Variants in CCDC30 observed in about 807,000 individuals in gnomAD.
The protein encoded by CCDC30 is coiled-coil domain-containing protein 30.
CCDC30 carries 70 observed loss-of-function variants against 100.2 expected under a neutral mutation model. That is an observed-to-expected ratio of 0.70 (90% CI 0.58 to 0.85). CCDC30 has a LOEUF of 0.85. Ranked by LOEUF, CCDC30 falls within the 40% of genes least tolerant of loss-of-function variation. The pLI, the probability that CCDC30 is intolerant of heterozygous loss-of-function variation, is 0.00. For synonymous variants in CCDC30, 233 were observed against 269.5 expected, an observed-to-expected ratio of 0.86 and a Z score of 1.33; for missense variants, 652 against 771.2, an observed-to-expected ratio of 0.85 and a Z score of 1.83.
the CCDC30 span, chr1:42,457,610 G>T: frequency 8.2e-6 from 4 of 485,746 alleles, no homozygotes; most frequent in South Asian, 1.0e-4. Context: ...AGTGAATCCT[G>T]GGGGAGTCGA....
chr1:42,582,315 T>C (rs1298251028), intron 9 of CCDC30, among the ~76,000 whole-genome samples: 1 of 152,210 alleles, frequency 6.6e-6, no homozygotes, highest in Non-Finnish European at 1.5e-5. Context: ...AGTCCATCCC[T>C]AGAGAACTGA....
chr1:42,578,186 A>G (rs554413678), intron 8 of CCDC30, among the ~76,000 whole-genome samples: 1 of 152,356 alleles, frequency 6.6e-6, no homozygotes, highest in South Asian at 2.1e-4. Flanking sequence ...ACCATATAAT[A>G]TGAAGCAAAC....
At chr1:42,524,658 T>C (rs187187582) in intron 6 of CCDC30, among the ~76,000 whole-genome samples, 16 of 152,344 alleles carry the variant, frequency 1.1e-4, no homozygotes, top group Admixed American at 2.0e-4. Context: ...ACACGTTGCA[T>C]GCAAGCTGTT....
chr1:42,557,785 C>T (rs1262614658), intron 6 of CCDC30, among the ~76,000 whole-genome samples: 1 of 145,344 alleles, frequency 6.9e-6, no homozygotes, highest in East Asian at 2.0e-4. Context: ...AGGCTAGTTC[C>T]AATTTGTTTT....
intron 11 of CCDC30, among the ~76,000 whole-genome samples, chr1:42,614,155 A>G (rs1379956243): frequency 1.4e-5 from 2 of 145,602 alleles, no homozygotes; most frequent in Non-Finnish European, 3.0e-5. Context: ...ATCTCGGCTC[A>G]CTGCAAGCTC....
intron 12 of CCDC30, among the ~76,000 whole-genome samples, chr1:42,642,165 G>T (rs1386139395): frequency 6.6e-6 from 1 of 151,996 alleles, no homozygotes; most frequent in Non-Finnish European, 1.5e-5. Flanking sequence ...GGTGGAGCTT[G>T]CAGTGAGCAG....
At chr1:42,497,831 T>A (rs6686662) in intron 5 of CCDC30, among the ~76,000 whole-genome samples, 37,008 of 152,038 alleles carry the variant, frequency 0.24, 4,884 homozygotes, top group South Asian at 0.42. Context: ...GCATTGCTGG[T>A]GAGAATCTAA....
At chr1:42,610,417 TTTTTG>T (rs529622606) in intron 10 of CCDC30, among the ~76,000 whole-genome samples, 5 of 152,078 alleles carry the variant, frequency 3.3e-5, no homozygotes, top group African/African-American at 7.2e-5. Flanking sequence ...ATTTTTTGTT[TTTTTG>T]TTTTGTTTTG....
chr1:42,467,660 C>T (rs1643632542), intron 1 of CCDC30: 1 of 152,204 alleles, frequency 6.6e-6, no homozygotes, highest in African/African-American at 2.4e-5. Context: ...AGCTTATAGC[C>T]TCTTCTCTGG....
intron 6 of CCDC30, among the ~76,000 whole-genome samples, chr1:42,541,889 C>A (rs1645018666): frequency 6.6e-6 from 1 of 152,180 alleles, no homozygotes; most frequent in African/African-American, 2.4e-5. Context: ...TAGACTCATA[C>A]AGAATTTTAG....
At chr1:42,522,472 A>G (rs1359942541) in intron 6 of CCDC30, among the ~76,000 whole-genome samples, 2 of 152,160 alleles carry the variant, frequency 1.3e-5, no homozygotes, top group Non-Finnish European at 2.9e-5. Flanking sequence ...ATAGTAAAAC[A>G]CTTTTCTTTT....
intron 6 of CCDC30, among the ~76,000 whole-genome samples, chr1:42,499,736 A>G (rs1020919110): frequency 4.6e-5 from 7 of 150,776 alleles, no homozygotes; most frequent in Non-Finnish European, 5.9e-5. Context: ...TGCCTCCCAA[A>G]GTGCTGGGAT....
At chr1:42,456,979 T>C in the CCDC30 span, 2 of 1,603,146 alleles carry the variant, frequency 1.2e-6, no homozygotes, top group Non-Finnish European at 8.5e-7. Context: ...ACCAGGAGGC[T>C]GCGGCTGCAG....
At chr1:42,466,520 G>A (rs992476068) in intron 1 of CCDC30, among the ~76,000 whole-genome samples, 2 of 151,602 alleles carry the variant, frequency 1.3e-5, no homozygotes, top group African/African-American at 2.4e-5. Context: ...TATCTACTTT[G>A]GACAGAATAG....
At chr1:42,589,530 G>GCTGTTACTAATGGGAA in intron 10 of CCDC30, 47 bp downstream of exon 14, 2 of 1,518,672 alleles carry the variant, frequency 1.3e-6, no homozygotes, top group Non-Finnish European at 1.8e-6. Flanking sequence ...ATTCCCATTA[G>GCTGTTACTAATGGGAA]TAACAGCTAA....
chr1:42,582,059 C>CA (rs770972866), intron 9 of CCDC30, among the ~76,000 whole-genome samples: 20,713 of 98,928 alleles, frequency 0.21, 1,909 homozygotes, highest in East Asian at 0.23. Flanking sequence ...TTGTCTATAC[C>CA]AAAAAAAAAA....
At chr1:42,497,815 C>G (rs769028276) in intron 5 of CCDC30, among the ~76,000 whole-genome samples, 3 of 152,182 alleles carry the variant, frequency 2.0e-5, no homozygotes, top group Non-Finnish European at 2.9e-5. Flanking sequence ...AAATTGGAAC[C>G]CTTTTGCATT....
At chr1:42,510,061 G>GT (rs1030317074) in intron 6 of CCDC30, 3 of 985,222 alleles carry the variant, frequency 3.0e-6, no homozygotes, top group Non-Finnish European at 3.6e-6. Flanking sequence ...CGGGGTTTGT[G>GT]TTGTAGAATT....
intron 6 of CCDC30, chr1:42,521,335 G>A (rs1488094316): frequency 1.3e-5 from 2 of 154,614 alleles, no homozygotes; most frequent in East Asian, 1.9e-4. Context: ...TTTTAAAAGT[G>A]TGTTGTTTAG....
Sources: gnomAD v4.1 joint callset for allele counts (sites outside exome capture counted in the v4.1 genomes callset) on GRCh38, gnomAD v4.1.1 for gene constraint, MANE v1.5 for transcripts, NCBI Gene and HGNC (gene_info 2026-07-23, HGNC 2026-07-21) for gene names.